SMYD5: variants seen among roughly 807,000 people sequenced by gnomAD.
SMYD5 encodes the protein protein-lysine N-trimethyltransferase SMYD5.
Under a neutral mutation model 57.4 loss-of-function variants are expected in SMYD5, and 35 were observed. The observed-to-expected ratio is 0.61, with a 90% CI of 0.47 to 0.81. The LOEUF (loss-of-function observed/expected upper bound fraction) is 0.81. Among genes scored for constraint, SMYD5 ranks in the 30% least tolerant of loss-of-function variants. The probability of loss-of-function intolerance (pLI) is 0.00; values close to 1 mark genes in which losing one functional copy is unlikely to be tolerated. For synonymous variants in SMYD5, 198 were observed against 189.7 expected (o/e 1.04, Z -0.36); for missense variants, 471 against 527.9 (o/e 0.89, Z 1.06).
Position 73,226,161 on chromosome 2 carries a change from T to C in SMYD5, c.*215T>C. On this transcript the variant is annotated 3_prime_UTR_variant, in exon 13 of 13. Coordinates refer to ENST00000389501, the MANE Select transcript of SMYD5 (RefSeq NM_006062.3). ...ACTGCTGCTGAGTTGGCTCAGACTC[T>C]GCACTGGCACTGAGCCTTTCACAAC... 2 of 632,166 alleles carry C rather than the reference T, an allele frequency of 3.2e-6. No individual in the cohort carries two copies. The highest frequency in any genetic ancestry group is 5.4e-6 in the Non-Finnish European group (2 of 373,250). 39.2% of individuals were successfully genotyped at this position (632,166 alleles called of 1,614,324 possible).
chr2:73,218,782 G>A, intron 1 of SMYD5, 79 bp from the exon 2 acceptor site: 2 of 1,040,028 alleles, frequency 1.9e-6, no homozygotes, highest in African/African-American at 1.6e-5. Flanking sequence ...TGGGAGTGAG[G>A]CTGGACAGCC....
intron 10 of SMYD5, among the ~76,000 whole-genome samples, chr2:73,224,220 T>C (rs1459988621): frequency 6.6e-6 from 1 of 152,224 alleles, no homozygotes; most frequent in Non-Finnish European, 1.5e-5. Flanking sequence ...CTATAATACC[T>C]GCTTATATAT....
At chr2:73,216,742 A>AT (rs909151752) in intron 1 of SMYD5, among the ~76,000 whole-genome samples, 22 of 150,716 alleles carry the variant, frequency 1.5e-4, no homozygotes, top group East Asian at 1.9e-4. Flanking sequence ...GTTTTGCACT[A>AT]TTTTTTTTTA....
At chr2:73,214,945 C>A in intron 1 of SMYD5, 1 of 523,336 alleles carries the variant, frequency 1.9e-6, no homozygotes. Context: ...AAAGAAAATA[C>A]AAAAATCACC....
chr2:73,216,153 C>A (rs1357989949), intron 1 of SMYD5, among the ~76,000 whole-genome samples: 1 of 152,172 alleles, frequency 6.6e-6, no homozygotes, highest in Non-Finnish European at 1.5e-5. Flanking sequence ...AGAACAGAAA[C>A]CTCACCAGGT....
chr2:73,222,077 C>T (rs947586841), intron 6 of SMYD5, 147 bp downstream of exon 6: 6 of 616,286 alleles, frequency 9.7e-6, no homozygotes, highest in African/African-American at 1.8e-5. Flanking sequence ...AGAGGAGTTA[C>T]ATTCCTGCCA....
intron 1 of SMYD5, among the ~76,000 whole-genome samples, chr2:73,216,665 AG>A (rs1229168876): frequency 6.6e-6 from 1 of 152,212 alleles, no homozygotes; most frequent in Non-Finnish European, 1.5e-5. Context: ...ACTGCACTCC[AG>A]CCTGGGCGAC....
At position 73,226,274 on chromosome 2, in the gene SMYD5, A is replaced by C; in HGVS notation, c.*328A>C. On this transcript the variant is annotated 3_prime_UTR_variant, in exon 13 of 13. Transcript: ENST00000389501. ...AACAGTGTTTCTTCCCCTCGGCCCC[A>C]CGGCCCATACTCACCCCTTCACCTG... 3.1e-6 allele frequency: 1 copy of C among 325,100 alleles called. No individual in the cohort carries two copies. The allele number at this position is 325,100 out of a possible 1,614,324, so 20.1% of individuals were successfully genotyped here.
In SMYD5 at chr2:73,225,680, A is replaced by G. The variant is rs1169981912; in HGVS notation, c.1085A>G (p.His362Arg). Reference protein sequence around the residue: ...LDCCQRERSRHSRHKILRENY... With the variant: ...LDCCQRERSRRSRHKILRENY... ...TGCTGTCAGCGGGAGCGCAGCCGCC[A>G]CAGCCGCCACAAGATCCTCAGGTGC... Residue 362 changes from histidine (H) to arginine (R), a missense_variant, in exon 12 of 13, where the codon CAC becomes CGC. Coordinates refer to ENST00000389501, the MANE Select transcript of SMYD5 (RefSeq NM_006062.3). The G allele has an allele frequency of 2.5e-6, 4 of 1,614,190 alleles. No individual in the cohort carries two copies. Among genetic ancestry groups the G allele is most frequent in the Non-Finnish European group, 3.4e-6 (4 of 1,180,006 alleles).
chr2:73,222,798 A>G lies in SMYD5; in HGVS notation c.686A>G (p.Tyr229Cys), dbSNP rs755311219. 53 of 1,613,802 alleles carry G rather than the reference A, an allele frequency of 3.3e-5. No individual in the cohort carries two copies. Among genetic ancestry groups the G allele is most frequent in the Admixed American group, 5.0e-5 (3 of 59,956 alleles). The change falls in exon 7 of 13, where the codon TAT becomes TGT. Residue 229 changes from tyrosine to cysteine, a missense_variant. Physicochemically the swap from Tyr to Cys is radical, Grantham distance 194. Transcript: ENST00000389501. ...CGGAGACTCTTCACAGAGGCCCTCTATGAGGAAGCAGTCAGCCAGGTGAGT... is the reference window on the plus strand; with the variant it reads ...CGGAGACTCTTCACAGAGGCCCTCTGTGAGGAAGCAGTCAGCCAGGTGAGT... Reference protein sequence around the residue: ...LLRRLFTEALYEEAVSQWFTP... With the variant: ...LLRRLFTEALCEEAVSQWFTP...
At position 73,214,411 on chromosome 2, in the gene SMYD5, G is replaced by A. The variant is rs769083157; in HGVS notation, c.96+49G>A. The A allele has an allele frequency of 1.1e-5, 17 of 1,611,124 alleles. No homozygotes were observed. In the East Asian group the frequency reaches 3.6e-4, roughly 34 times the overall value. On this transcript the variant is annotated intron_variant, in intron 1 of 12. Coordinates refer to ENST00000389501, the MANE Select transcript of SMYD5 (RefSeq NM_006062.3). ...GGGAGCCTCTCCCCAGTCCGGCCAT[G>A]GAGACAGCCCGGCCGGACTCCATGC...
chr2:73,214,303 G>A lies in SMYD5; in HGVS notation c.37G>A (p.Val13Met). Residue 13 changes from valine (V) to methionine (M), a missense_variant, in exon 1 of 13, where the codon GTG becomes ATG. By Grantham distance (21) the Val-to-Met change is conservative (BLOSUM62 1). Transcript: ENST00000389501. ...ASMCDVFSFCVGVAGRARVSV... is the reference protein window; with the variant it reads ...ASMCDVFSFCMGVAGRARVSV... Reference sequence around the variant, plus strand: ...CATGTGCGACGTGTTCTCCTTCTGCGTGGGCGTGGCGGGCCGCGCGCGGGT... The same window carrying A: ...CATGTGCGACGTGTTCTCCTTCTGCATGGGCGTGGCGGGCCGCGCGCGGGT... 6.2e-7 allele frequency: 1 copy of A among 1,613,942 alleles called. No homozygotes were observed.
chr2:73,217,917 T>C (rs1301173481), intron 1 of SMYD5, among the ~76,000 whole-genome samples: 1 of 152,220 alleles, frequency 6.6e-6, no homozygotes, highest in Non-Finnish European at 1.5e-5. Context: ...CAGAGGTTTT[T>C]TTCTCATTCT....
intron 1 of SMYD5, chr2:73,214,899 G>T: frequency 8.8e-7 from 1 of 1,132,786 alleles, no homozygotes; most frequent in Non-Finnish European, 1.2e-6. Context: ...TGTTCCAAAA[G>T]TTCATTGTAG....
At chr2:73,223,161 G>A in intron 8 of SMYD5, 55 bp downstream of exon 8, 1 of 1,439,252 alleles carries the variant, frequency 6.9e-7, no homozygotes, top group Non-Finnish European at 9.8e-7. Context: ...AACTGAGGAA[G>A]GTAGCCACAG....
intron 1 of SMYD5, chr2:73,214,687 C>A: frequency 7.1e-7 from 1 of 1,413,624 alleles, no homozygotes; most frequent in Non-Finnish European, 9.4e-7. Context: ...CGGGGATGTG[C>A]CGGGCAGAGA....
rs1462394490 is a variant in SMYD5, at chr2:73,222,659, C to G, written c.643-96C>G. 3 of 974,590 alleles carry G rather than the reference C, an allele frequency of 3.1e-6. No individual in the cohort carries two copies. The African/African-American group carries it at 4.9e-5, about 16-fold the overall frequency. 60.4% of individuals were successfully genotyped at this position (974,590 alleles called of 1,614,324 possible). A position where few individuals can be genotyped will look rare whatever the true frequency, so the allele number is the denominator to read the frequency against. ...GGAAAGCTCAGTCTACAGAGCTGGC[C>G]CTTTTTCCTTCCCTCCCCTAGTCGC... On this transcript the variant is annotated intron_variant, in intron 6 of 12. Coordinates refer to ENST00000389501, the MANE Select transcript of SMYD5 (RefSeq NM_006062.3).
At position 73,223,028 on chromosome 2, in the gene SMYD5, C is replaced by T. The variant is rs1380299385; in HGVS notation, c.706-8C>T. On this transcript the variant is annotated splice_region_variant and splice_polypyrimidine_tract_variant and intron_variant, in intron 7 of 12. Transcript: ENST00000389501. ...TAATGAGCACTCATCTCTTTTTTCCCCCCACAGTGGTTCACTCCAGATGGA... is the reference window on the plus strand; with the variant it reads ...TAATGAGCACTCATCTCTTTTTTCCTCCCACAGTGGTTCACTCCAGATGGA... 1 of 1,613,342 alleles carries T rather than the reference C, an allele frequency of 6.2e-7. No individual in the cohort carries two copies. The highest frequency in any genetic ancestry group is 2.2e-5 in the East Asian group (1 of 44,874).
rs1055671772 is a variant in SMYD5 at position 73,225,451 on chromosome 2, G to A, written c.1036-180G>A. 129 of 683,018 alleles carry A rather than the reference G, an allele frequency of 1.9e-4. No homozygotes were observed. The Admixed American group carries it at 2.9e-3, about 16-fold the overall frequency. The allele number at this position is 683,018 out of a possible 1,614,324, so 42.3% of individuals were successfully genotyped here. A position where few individuals can be genotyped will look rare whatever the true frequency, so the allele number is the denominator to read the frequency against. ...AGGCACAGGCTGTTGGAGCCTTATA[G>A]TGGCCTGCCTACTGAAGGCACTGGG... On this transcript the variant is annotated intron_variant, in intron 11 of 12. Coordinates refer to ENST00000389501, the MANE Select transcript of SMYD5 (RefSeq NM_006062.3).
Sources: allele counts gnomAD v4.1 joint callset (sites outside exome capture counted in the v4.1 genomes callset), GRCh38; gene constraint gnomAD v4.1.1; transcripts MANE v1.5; gene names NCBI Gene and HGNC (gene_info 2026-07-23, HGNC 2026-07-21).